POTEF: variants seen among roughly 807,000 people sequenced by gnomAD.
The protein encoded by POTEF is ANKRD26-like family C member 1B.
In POTEF, 20 loss-of-function variants were observed where a neutral mutation model predicts 83.2. The observed-to-expected ratio is 0.24, with a 90% CI of 0.17 to 0.35. The LOEUF (loss-of-function observed/expected upper bound fraction) is 0.35. Ranked by LOEUF, POTEF falls within the 10% of genes least tolerant of loss-of-function variation. POTEF has a pLI of 1.00. For missense variants in POTEF, 550 were observed against 1,203.2 expected (o/e 0.46, Z 8.03); for synonymous variants, 196 against 446.4 (o/e 0.44, Z 7.07).
At chr2:130,096,272 T>TCTA (rs1439055015) in intron 11 of POTEF, among the ~76,000 whole-genome samples, 1 of 36,684 alleles carries the variant, frequency 2.7e-5, no homozygotes, top group Non-Finnish European at 5.5e-5. Flanking sequence ...ATGACACTCA[T>TCTA]GACTGCAGAT....
chr2:130,111,801 TAA>T (rs1217275641), intron 6 of POTEF, among the ~76,000 whole-genome samples, 192 bp downstream of exon 6: 3 of 146,598 alleles, frequency 2.0e-5, no homozygotes, highest in South Asian at 2.2e-4. Flanking sequence ...GTCAATATAA[TAA>T]GAGAAGATGA....
Position 130,084,003 on chromosome 2 carries a change from CAAG to C in POTEF, c.1778+1808_1778+1810del, listed in dbSNP as rs1683960479. 5.2e-5 allele frequency among the ~76,000 whole-genome samples: 4 copies of C among 77,348 alleles called. 2 individuals carry two copies. In the Admixed American group the frequency reaches 6.8e-4, roughly 13 times the overall value. The allele number at this position is 77,348 out of a possible 152,430, so 50.7% of individuals were successfully genotyped here. ...AAAGACCAAGAAATACTAAAACTCT[CAAG>C]GAGAATATTTCTTGCTTGATAAAAA... On this transcript the variant is annotated intron_variant, in intron 15 of 16. Transcript: ENST00000409914.
chr2:130,128,674 C>T (rs1177548536), intron 1 of POTEF, among the ~76,000 whole-genome samples: 4 of 152,068 alleles, frequency 2.6e-5, no homozygotes, highest in African/African-American at 7.2e-5. Flanking sequence ...CCACAGGTAG[C>T]GCAGCTCCTG....
chr2:130,106,990 A>G lies in POTEF; in HGVS notation c.1126+1019T>C, dbSNP rs933015992. Reference sequence around the variant, plus strand: ...ATCTATTCCATCTTTGTCTCCTGCAACTTATAAAACCTAACTTACAAAAGC... The same window carrying G: ...ATCTATTCCATCTTTGTCTCCTGCAGCTTATAAAACCTAACTTACAAAAGC... On this transcript the variant is annotated intron_variant, in intron 8 of 16. Transcript: ENST00000409914. 2.5e-4 allele frequency among the ~76,000 whole-genome samples: 37 copies of G among 150,060 alleles called. 2 individuals are homozygous for G. The highest frequency in any genetic ancestry group is 9.1e-4 in the African/African-American group (36 of 39,678).
Position 130,075,471 on chromosome 2 carries a change from A to G in POTEF, c.2001T>C (p.His667=), listed in dbSNP as rs755218795. The G allele has an allele frequency of 6.2e-7, 1 of 1,611,240 alleles. No homozygotes were observed. The highest frequency in any genetic ancestry group is 8.5e-7 in the Non-Finnish European group (1 of 1,179,632). ...ATTTCTTTTCTCTTAGCTGGCTCTG[A>G]TGTTTCATTGTGTCTAGCTCCAGTC... ...MLRLELDTMK[H]QSQLREKKYL... is the part of the protein sequence containing the mutation. Residue 667 remains histidine, a synonymous_variant, in exon 17 of 17, where the codon CAT becomes CAC. Coordinates refer to ENST00000409914, the MANE Select transcript of POTEF (RefSeq NM_001099771.2).
Position 130,117,551 on chromosome 2 carries a change from T to G in POTEF, c.522-2223A>C, listed in dbSNP as rs1684873572. Among the ~76,000 whole-genome samples, 7 of 152,208 alleles carry G rather than the reference T, an allele frequency of 4.6e-5. 1 individual carries two copies. In the South Asian group the frequency reaches 1.5e-3, roughly 32 times the overall value. The stretch of plus-strand genomic sequence containing the variant: ...AACACGAGCAGATTCTGTTCGTGTA[T>G]ATGTGTAACCGATTTTTTTTCTCAC... On this transcript the variant is annotated intron_variant, in intron 3 of 16. Transcript: ENST00000409914.
intron 8 of POTEF, among the ~76,000 whole-genome samples, chr2:130,103,572 G>T (rs1684432427): frequency 7.0e-6 from 1 of 143,380 alleles, no homozygotes; most frequent in Admixed American, 7.2e-5. Flanking sequence ...TGTCCCGTCT[G>T]CTCCAAGACT....
Position 130,102,644 on chromosome 2 carries a change from A to G in POTEF, c.1127-464T>C, listed in dbSNP as rs567693752. Among the ~76,000 whole-genome samples the G allele has an allele frequency of 3.3e-3, 484 of 148,848 alleles. 18 individuals are homozygous for G. Among genetic ancestry groups the G allele is most frequent in the African/African-American group, 0.012 (467 of 39,764 alleles). ...CAGAGCCCACAGGTATGGGCTCCAG[A>G]CATCCCAGAGCAAGGTTAAGAAAAC... On this transcript the variant is annotated intron_variant, in intron 8 of 16. Transcript: ENST00000409914.
rs139943570 is a variant in POTEF at position 130,110,428 on chromosome 2, C to T, written c.1055+115G>A. 2.0e-4 allele frequency: 318 copies of T among 1,585,926 alleles called. 18 individuals are homozygous for T. In the African/African-American group the frequency reaches 3.1e-3, roughly 15 times the overall value. On this transcript the variant is annotated intron_variant, in intron 7 of 16. Transcript: ENST00000409914. The stretch of plus-strand genomic sequence containing the variant: ...TGCAGGGGACTAAAACTCACTGCCA[C>T]GCGAAAACTACCTGAACCAAACTAT...
intron 12 of POTEF, among the ~76,000 whole-genome samples, chr2:130,093,119 G>A (rs1684171449): frequency 6.9e-6 from 1 of 144,220 alleles, no homozygotes; most frequent in Non-Finnish European, 1.5e-5. Flanking sequence ...TCTAGGTTGT[G>A]TGCTTCGTAT....
intron 3 of POTEF, among the ~76,000 whole-genome samples, chr2:130,117,006 T>A (rs1433220685): frequency 6.8e-6 from 1 of 147,140 alleles, no homozygotes; most frequent in Non-Finnish European, 1.5e-5. Context: ...GTCTGGCTTA[T>A]GTCTGATGAC....
chr2:130,123,241 C>T (rs1685033069), intron 2 of POTEF, among the ~76,000 whole-genome samples: 1 of 145,486 alleles, frequency 6.9e-6, no homozygotes, highest in Non-Finnish European at 1.5e-5. Context: ...TTTAAACTTT[C>T]TTTGTCAATG....
intron 3 of POTEF, among the ~76,000 whole-genome samples, chr2:130,116,150 C>G (rs1684838398): frequency 6.6e-6 from 1 of 151,916 alleles, no homozygotes; most frequent in African/African-American, 2.4e-5. Context: ...TAAACCAATT[C>G]TTACTTTGGT....
Position 130,074,914 on chromosome 2 carries a change from A to T in POTEF, c.2558T>A (p.Met853Lys). ...YTSGRTTGIV[M>K]DSGDGVTHTV... Reference sequence around the variant, plus strand: ...GTGGGTGACCCCGTCACCAGAGTCCATCACGATGCCAGTAGTACGGCCAGA... The same window carrying T: ...GTGGGTGACCCCGTCACCAGAGTCCTTCACGATGCCAGTAGTACGGCCAGA... The change falls in exon 17 of 17, where the codon ATG (methionine) becomes AAG (lysine). Residue 853 changes from methionine (M) to lysine (K), a missense_variant. Coordinates refer to ENST00000409914, the MANE Select transcript of POTEF (RefSeq NM_001099771.2). 1 of 1,602,008 alleles carries T rather than the reference A, an allele frequency of 6.2e-7. No individual in the cohort carries two copies. The highest frequency in any genetic ancestry group is 8.5e-7 in the Non-Finnish European group (1 of 1,176,330).
chr2:130,083,348 T>G (rs3100077), intron 15 of POTEF, among the ~76,000 whole-genome samples: 91 of 151,902 alleles, frequency 6.0e-4, no homozygotes, highest in Admixed American at 3.5e-3. Flanking sequence ...AAAAAAAAAA[T>G]TATGAGAAAG....
At chr2:130,116,022 A>G (rs1684834694) in intron 3 of POTEF, among the ~76,000 whole-genome samples, 1 of 152,094 alleles carries the variant, frequency 6.6e-6, no homozygotes, top group South Asian at 2.1e-4. Flanking sequence ...GAAGTAGAAT[A>G]TGTTATAACA....
chr2:130,075,951 T>C (rs1203486373), intron 16 of POTEF, among the ~76,000 whole-genome samples: 1 of 148,318 alleles, frequency 6.7e-6, no homozygotes, highest in African/African-American at 2.5e-5. Context: ...TTTGACTACA[T>C]TTTTAAGATT....
At chr2:130,103,102 C>CT (rs60152509) in intron 8 of POTEF, among the ~76,000 whole-genome samples, 1,824 of 126,418 alleles carry the variant, frequency 0.014, 77 homozygotes, top group African/African-American at 0.053. Flanking sequence ...TTCTTTCTTT[C>CT]TTTTTTTTTT....
intron 3 of POTEF, among the ~76,000 whole-genome samples, chr2:130,119,232 C>T (rs1224360436): frequency 3.3e-5 from 5 of 150,742 alleles, no homozygotes; most frequent in East Asian, 3.9e-4. Flanking sequence ...GGCACTATCT[C>T]GGCTCACTGC....
Sources: gnomAD v4.1 joint callset for allele counts (sites outside exome capture counted in the v4.1 genomes callset) on GRCh38, gnomAD v4.1.1 for gene constraint, MANE v1.5 for transcripts, NCBI Gene and HGNC (gene_info 2026-07-23, HGNC 2026-07-21) for gene names.